Variants in DLGAP1 observed in about 807,000 individuals in gnomAD.
DLGAP1 encodes the protein disks large-associated protein 1.
A neutral mutation model predicts 90.8 loss-of-function variants in DLGAP1; 11 were observed. The observed-to-expected ratio is 0.12, with a 90% CI of 0.08 to 0.20. The LOEUF is 0.20. DLGAP1 is among the 10% of genes least tolerant of loss of function. The pLI is 1.00. For missense variants in DLGAP1, 1,050 were observed against 1,333.8 expected (o/e 0.79, Z 3.31); for synonymous variants, 558 against 540.7 (o/e 1.03, Z -0.44).
At chr18:4,234,197 C>A (rs971020260) in intron 1 of DLGAP1, among the ~76,000 whole-genome samples, 1 of 151,142 alleles carries the variant, frequency 6.6e-6, no homozygotes, top group Non-Finnish European at 1.5e-5. Flanking sequence ...CCAAGAACAT[C>A]TTGACAAAGT....
At chr18:3,543,859 T>C (rs2314031) in intron 9 of DLGAP1, among the ~76,000 whole-genome samples, 68,995 of 151,858 alleles carry the variant, frequency 0.45, 19,499 homozygotes, top group African/African-American at 0.8. Flanking sequence ...TGCATGGCAG[T>C]GTATGGAAGA....
At chr18:3,882,043 C>A (rs1247593364) in intron 3 of DLGAP1, among the ~76,000 whole-genome samples, 2 of 152,302 alleles carry the variant, frequency 1.3e-5, no homozygotes, top group East Asian at 1.9e-4. Context: ...ACCACACAAA[C>A]AATCCCCCCA....
In DLGAP1 at chr18:4,122,595, A is replaced by C. The variant is rs1034855078; in HGVS notation, c.-159+28585T>G. ...AGGACTTTCTAAACTAATTGTACTA[A>C]ATTCTAGGACCTGAGCTAAAAGGCA... is the stretch of plus-strand genomic sequence containing the variant. On this transcript the variant is annotated intron_variant, in intron 2 of 12. Transcript: ENST00000315677. Among the ~76,000 whole-genome samples the C allele has an allele frequency of 3.3e-5, 5 of 152,286 alleles. No individual in the cohort carries two copies. In the South Asian group the frequency reaches 6.2e-4, roughly 19 times the overall value.
At chr18:3,747,192 A>C (rs2063306907) in intron 5 of DLGAP1, among the ~76,000 whole-genome samples, 1 of 152,170 alleles carries the variant, frequency 6.6e-6, no homozygotes, top group South Asian at 2.1e-4. Context: ...GTATTTTTTA[A>C]TATAAAAAAG....
At chr18:4,252,634 A>G (rs913543987) in intron 1 of DLGAP1, among the ~76,000 whole-genome samples, 1 of 152,256 alleles carries the variant, frequency 6.6e-6, no homozygotes, top group Non-Finnish European at 1.5e-5. Context: ...TTAAACTAGT[A>G]GCTAAAGAAA....
At chr18:3,979,868 G>T (rs139857458) in intron 3 of DLGAP1, among the ~76,000 whole-genome samples, 1,601 of 152,248 alleles carry the variant, frequency 0.011, 21 homozygotes, top group African/African-American at 0.036. Flanking sequence ...GGGCGCGGTG[G>T]CTCACGCCTG....
intron 1 of DLGAP1, among the ~76,000 whole-genome samples, chr18:4,408,405 C>G (rs1759031793): frequency 6.6e-6 from 1 of 151,810 alleles, no homozygotes; most frequent in African/African-American, 2.4e-5. Flanking sequence ...GCAGAAAAAC[C>G]AGGGATTGAA....
intron 1 of DLGAP1, among the ~76,000 whole-genome samples, chr18:4,265,074 C>T (rs142439165): frequency 2.0e-5 from 3 of 151,752 alleles, no homozygotes; most frequent in East Asian, 3.9e-4. Flanking sequence ...GACAGATTTC[C>T]GGTAAATCTT....
At chr18:3,973,776 G>A (rs1256946024) in intron 3 of DLGAP1, among the ~76,000 whole-genome samples, 1 of 152,192 alleles carries the variant, frequency 6.6e-6, no homozygotes, top group Admixed American at 6.5e-5. Flanking sequence ...AACCAGCTGA[G>A]GGTTCACAAG....
intron 3 of DLGAP1, among the ~76,000 whole-genome samples, chr18:3,897,810 C>T (rs1007993082): frequency 1.3e-4 from 14 of 106,220 alleles, no homozygotes; most frequent in African/African-American, 2.9e-4. Flanking sequence ...TTTTTTGAGA[C>T]GGAGTCTCGC....
At chr18:3,609,695 T>C (rs78593332) in intron 7 of DLGAP1, among the ~76,000 whole-genome samples, 7,062 of 151,936 alleles carry the variant, frequency 0.046, 224 homozygotes, top group African/African-American at 0.083. Context: ...CTGTGACATA[T>C]AGGAATTAGG....
chr18:4,343,864 A>G (rs1296761391), intron 1 of DLGAP1, among the ~76,000 whole-genome samples: 1 of 152,326 alleles, frequency 6.6e-6, no homozygotes, highest in African/African-American at 2.4e-5. Context: ...GAAGTTGTAT[A>G]ATCTCCTCCG....
chr18:4,421,128 T>A (rs1168097598), intron 1 of DLGAP1, among the ~76,000 whole-genome samples: 1 of 152,194 alleles, frequency 6.6e-6, no homozygotes, highest in African/African-American at 2.4e-5. Context: ...TCCCTCTTCT[T>A]GAGGCCAGAA....
At chr18:3,637,574 CAA>C (rs35620201) in intron 7 of DLGAP1, among the ~76,000 whole-genome samples, 48,252 of 94,406 alleles carry the variant, frequency 0.51, 10,443 homozygotes, top group East Asian at 0.83. Context: ...TCTCCCCCAC[CAA>C]AAAAAAAAAA....
chr18:3,754,984 A>C, intron 5 of DLGAP1, among the ~76,000 whole-genome samples: 2 of 152,150 alleles, frequency 1.3e-5, no homozygotes, highest in East Asian at 3.8e-4. Flanking sequence ...TTTGCAGTGG[A>C]GAGAAATGTA....
intron 9 of DLGAP1, among the ~76,000 whole-genome samples, chr18:3,540,150 G>A (rs748038031): frequency 3.0e-4 from 45 of 152,088 alleles, no homozygotes; most frequent in Non-Finnish European, 3.7e-4. Context: ...AATAAGGCAC[G>A]GGCGTGAGGA....
chr18:3,930,861 C>A (rs117918220), intron 3 of DLGAP1, among the ~76,000 whole-genome samples: 3 of 152,182 alleles, frequency 2.0e-5, no homozygotes, highest in Non-Finnish European at 4.4e-5. Flanking sequence ...CTCAAAATAT[C>A]GTGAGGCAGA....
intron 1 of DLGAP1, among the ~76,000 whole-genome samples, chr18:4,318,262 C>T (rs2080583992): frequency 6.6e-6 from 1 of 152,236 alleles, no homozygotes; most frequent in Admixed American, 6.5e-5. Flanking sequence ...AAACATTCCT[C>T]TGTGGCTTCA....
intron 1 of DLGAP1, among the ~76,000 whole-genome samples, chr18:4,403,525 C>A (rs2082600073): frequency 6.6e-6 from 1 of 152,140 alleles, no homozygotes; most frequent in Non-Finnish European, 1.5e-5. Flanking sequence ...TTTCGCCATG[C>A]ATGCTTTAAA....
Sources: gnomAD v4.1 joint callset for allele counts (sites outside exome capture counted in the v4.1 genomes callset) on GRCh38, gnomAD v4.1.1 for gene constraint, MANE v1.5 for transcripts, NCBI Gene and HGNC (gene_info 2026-07-23, HGNC 2026-07-21) for gene names.